Variants in HIVEP3 observed in about 807,000 individuals in gnomAD.
The protein encoded by HIVEP3 is transcription factor HIVEP3.
HIVEP3 carries 49 observed loss-of-function variants against 152.8 expected under a neutral mutation model. That is an observed-to-expected ratio of 0.32 (90% CI 0.26 to 0.41). HIVEP3 has a LOEUF of 0.41. Ranked by LOEUF, HIVEP3 falls within the 10% of genes least tolerant of loss-of-function variation. The probability of loss-of-function intolerance (pLI) is 1.00; values close to 1 mark genes in which losing one functional copy is unlikely to be tolerated. For missense variants in HIVEP3, 2,790 were observed against 3,103.3 expected, an observed-to-expected ratio of 0.90 and a Z score of 2.40; for synonymous variants, 1,269 against 1,289.0, an observed-to-expected ratio of 0.98 and a Z score of 0.33.
intron 1 of HIVEP3, among the ~76,000 whole-genome samples, chr1:41,766,536 G>C (rs1648019656): frequency 6.6e-6 from 1 of 152,340 alleles, no homozygotes; most frequent in South Asian, 2.1e-4. Context: ...GTATGAGACA[G>C]GCAGTGCCAT....
intron 1 of HIVEP3, among the ~76,000 whole-genome samples, chr1:41,708,411 CA>C (rs1331416043): frequency 6.6e-6 from 1 of 152,232 alleles, no homozygotes; most frequent in East Asian, 1.9e-4. Context: ...TCTTGGTGGA[CA>C]GTAAATCAGG....
chr1:41,544,721 T>C (rs1479664362), intron 5 of HIVEP3, among the ~76,000 whole-genome samples: 1 of 76,330 alleles, frequency 1.3e-5, no homozygotes, highest in African/African-American at 5.8e-5. Flanking sequence ...CTACCACCTG[T>C]ACCACCACCG....
intron 1 of HIVEP3, among the ~76,000 whole-genome samples, chr1:41,723,811 C>T (rs751474271): frequency 6.6e-6 from 1 of 152,038 alleles, no homozygotes; most frequent in Non-Finnish European, 1.5e-5. Flanking sequence ...CCCTCAGAGC[C>T]CAGGGTCAGG....
intron 1 of HIVEP3, among the ~76,000 whole-genome samples, chr1:41,946,735 T>C (rs1206614073): frequency 6.6e-6 from 1 of 151,992 alleles, no homozygotes; most frequent in Non-Finnish European, 1.5e-5. Flanking sequence ...GCCCGTCCTG[T>C]TCAAGTTAAA....
At chr1:41,642,016 G>A (rs186106221) in intron 2 of HIVEP3, among the ~76,000 whole-genome samples, 8 of 152,338 alleles carry the variant, frequency 5.3e-5, no homozygotes, top group African/African-American at 1.9e-4. Context: ...CAATCAGGTA[G>A]TGCACATAAA....
At chr1:41,994,720 C>T (rs1340395556) in intron 1 of HIVEP3, among the ~76,000 whole-genome samples, 1 of 152,084 alleles carries the variant, frequency 6.6e-6, no homozygotes, top group African/African-American at 2.4e-5. Context: ...TACCCAGTCT[C>T]AAGTAGTTAT....
At chr1:41,938,576 C>T (rs903920074) in intron 1 of HIVEP3, among the ~76,000 whole-genome samples, 2 of 152,164 alleles carry the variant, frequency 1.3e-5, no homozygotes, top group African/African-American at 2.4e-5. Flanking sequence ...TGAGAACTGA[C>T]AGAGGAAGAG....
At chr1:41,653,733 C>T (rs1302351830) in intron 2 of HIVEP3, among the ~76,000 whole-genome samples, 1 of 152,118 alleles carries the variant, frequency 6.6e-6, no homozygotes, top group East Asian at 1.9e-4. Context: ...GCCAGGTGTC[C>T]TGCACAGGCT....
Position 41,795,529 on chromosome 1 carries a change from A to T in HIVEP3, c.-800-94534T>A, listed in dbSNP as rs1649935895. On this transcript the variant is annotated intron_variant, in intron 1 of 8. Coordinates refer to ENST00000372583, the MANE Select transcript of HIVEP3 (RefSeq NM_024503.5). ...ATACTCTATTATTTGGAAGTGAGTC[A>T]CTAAGTCTAGCCCACACTCCAGCGG... Among the ~76,000 whole-genome samples the T allele has an allele frequency of 2.6e-5, 4 of 152,260 alleles. 1 individual carries two copies. In the South Asian group the frequency reaches 8.3e-4, roughly 31 times the overall value.
chr1:41,853,270 C>G (rs1022773804), intron 1 of HIVEP3, among the ~76,000 whole-genome samples: 6 of 152,180 alleles, frequency 3.9e-5, no homozygotes, highest in African/African-American at 1.4e-4. Context: ...TTAGTCTGTT[C>G]TCACACGGCT....
chr1:41,922,226 C>T (rs1166638265), upstream of HIVEP3, among the ~76,000 whole-genome samples: 1 of 152,196 alleles, frequency 6.6e-6, no homozygotes. Flanking sequence ...TGACAAGCTT[C>T]CTCATAAAGG....
rs539129447 is a variant in HIVEP3 at position 42,013,002 on chromosome 1, C to T, written n.119+22805G>A. On this transcript the variant is annotated intron_variant and non_coding_transcript_variant, in intron 1 of 3. Transcript: ENST00000489103. ...CTTGTGTATTAGTTTGATAGGGCTG[C>T]CATAAACTGAGTGGCTTAAACAACA... 6.6e-5 allele frequency among the ~76,000 whole-genome samples: 10 copies of T among 152,284 alleles called. No homozygotes were observed. The South Asian group carries it at 1.9e-3, about 28-fold the overall frequency.
At chr1:41,974,622 G>A (rs140543671) in intron 1 of HIVEP3, among the ~76,000 whole-genome samples, 1 of 151,678 alleles carries the variant, frequency 6.6e-6, no homozygotes, top group Non-Finnish European at 1.5e-5. Context: ...TCTCTGCTTG[G>A]AATACTCTTT....
Position 41,858,421 on chromosome 1 carries a change from T to G in HIVEP3, c.-801+59992A>C, listed in dbSNP as rs79969006. Among the ~76,000 whole-genome samples the G allele has an allele frequency of 5.9e-3, 897 of 152,320 alleles. 11 individuals are homozygous for G. The highest frequency in any genetic ancestry group is 0.021 in the African/African-American group (869 of 41,570). ...AAAAGGATGAGATGTGTGTGGGTCATCTTCCTATGTGTCTATCTACTTCTC... is the reference window on the plus strand; with the variant it reads ...AAAAGGATGAGATGTGTGTGGGTCAGCTTCCTATGTGTCTATCTACTTCTC... On this transcript the variant is annotated intron_variant, in intron 1 of 8. Transcript: ENST00000372583.
At chr1:41,750,020 A>G (rs1198096214) in intron 1 of HIVEP3, among the ~76,000 whole-genome samples, 1 of 152,206 alleles carries the variant, frequency 6.6e-6, no homozygotes, top group Non-Finnish European at 1.5e-5. Flanking sequence ...CCTGAGCAGC[A>G]CCAAGCTGCT....
At chr1:41,527,446 ACCCT>A (rs1643023288) in intron 5 of HIVEP3, among the ~76,000 whole-genome samples, 1 of 83,286 alleles carries the variant, frequency 1.2e-5, no homozygotes, top group Non-Finnish European at 2.4e-5. Flanking sequence ...CCCCACCCTC[ACCCT>A]CACACCCCTG....
intron 1 of HIVEP3, among the ~76,000 whole-genome samples, chr1:41,954,523 G>A (rs1354601279): frequency 6.6e-6 from 1 of 152,260 alleles, no homozygotes; most frequent in Non-Finnish European, 1.5e-5. Flanking sequence ...CACCCTGCGG[G>A]GTCTGGCTCC....
chr1:41,905,425 T>C (rs1644694627), intron 1 of HIVEP3, among the ~76,000 whole-genome samples: 1 of 152,132 alleles, frequency 6.6e-6, no homozygotes, highest in Admixed American at 6.5e-5. Context: ...AGTGCCATTA[T>C]GAGCTGTTAA....
intron 2 of HIVEP3, among the ~76,000 whole-genome samples, chr1:41,673,270 T>C (rs1645905045): frequency 1.3e-5 from 2 of 152,206 alleles, no homozygotes; most frequent in South Asian, 4.1e-4. Context: ...AGAGGCCAGA[T>C]GGGTGGTCTC....
Sources: gnomAD v4.1 joint callset for allele counts (sites outside exome capture counted in the v4.1 genomes callset) on GRCh38, gnomAD v4.1.1 for gene constraint, MANE v1.5 for transcripts, NCBI Gene and HGNC (gene_info 2026-07-23, HGNC 2026-07-21) for gene names.